Variants in ZBED3 observed in about 807,000 individuals in gnomAD.
ZBED3 encodes the protein zinc finger BED-type containing 3.
For synonymous variants in ZBED3, 175 were observed against 180.0 expected (o/e 0.97, Z 0.22); for missense variants, 388 against 362.9 (o/e 1.07, Z -0.56).
chr5:77,086,755 G>A (rs1298488631), intron 1 of ZBED3: 2 of 152,230 alleles, frequency 1.3e-5, no homozygotes, highest in Non-Finnish European at 1.5e-5. Flanking sequence ...ACCCACTGCA[G>A]GGCGTCCAGT....
At chr5:77,082,674 A>G (rs1743152549) in intron 1 of ZBED3, among the ~76,000 whole-genome samples, 1 of 152,176 alleles carries the variant, frequency 6.6e-6, no homozygotes. Flanking sequence ...AGGAGATACT[A>G]TGGTTGAGGC....
rs1375150345 is a variant in ZBED3 at position 77,072,686 on chromosome 5, A to G, written c.*4488T>C. The G allele has an allele frequency of 6.6e-6, 1 of 152,224 alleles. No homozygotes were observed. Among genetic ancestry groups the G allele is most frequent in the Non-Finnish European group, 1.5e-5 (1 of 68,044 alleles). The allele number at this position is 152,224 out of a possible 1,614,324, so 9.4% of individuals were successfully genotyped here. The stretch of plus-strand genomic sequence containing the variant: ...GCAGGTCATTTGGCAACTATTTGAT[A>G]GAAAAATATTTAATAGTATTTATCA... On this transcript the variant is annotated 3_prime_UTR_variant, in exon 3 of 3. Coordinates refer to ENST00000255198, the MANE Select transcript of ZBED3 (RefSeq NM_032367.4).
rs1423070189 is a variant in ZBED3, at chr5:77,076,054, T to TAA, written c.*1118_*1119dup. 4.5e-5 allele frequency: 6 copies of TAA among 133,340 alleles called. 1 individual carries two copies. 8.3% of individuals were successfully genotyped at this position (133,340 alleles called of 1,614,324 possible). ...ATATGTATATATGTATATATATATA[T>TAA]AATATATACACACATAAAGAAAAAA... On this transcript the variant is annotated 3_prime_UTR_variant, in exon 3 of 3. Coordinates refer to ENST00000255198, the MANE Select transcript of ZBED3 (RefSeq NM_032367.4).
At chr5:77,086,991 G>A (rs1440718981) in intron 1 of ZBED3, 120 bp downstream of exon 1, 7 of 152,230 alleles carry the variant, frequency 4.6e-5, no homozygotes, top group Admixed American at 3.9e-4. Flanking sequence ...GCCCAGCGAA[G>A]GGCACGCCCC....
In ZBED3 at chr5:77,077,766, G is replaced by A. The variant is rs181914313; in HGVS notation, c.113C>T (p.Pro38Leu). The A allele has an allele frequency of 6.3e-4, 828 of 1,316,592 alleles. 1 individual carries two copies. The African/African-American group carries it at 0.011, about 17-fold the overall frequency. The allele number at this position is 1,316,592 out of a possible 1,614,324, so 81.6% of individuals were successfully genotyped here. A position where few individuals can be genotyped will look rare whatever the true frequency, so the allele number is the denominator to read the frequency against. ...GLGPAPTPTPPGRLGAPYSEA... is the reference protein window; with the variant it reads ...GLGPAPTPTPLGRLGAPYSEA... ...GGAGTATGGCGCCCCCAGGCGGCCGGGAGGCGTCGGCGTCGGCGCCGGCCC... is the reference window on the plus strand; with the variant it reads ...GGAGTATGGCGCCCCCAGGCGGCCGAGAGGCGTCGGCGTCGGCGCCGGCCC... The change falls in exon 3 of 3, where the codon CCC becomes CTC. Residue 38 changes from proline (P) to leucine (L), a missense_variant. Pro to Leu is a moderately conservative substitution (Grantham distance 98). Transcript: ENST00000255198.
Position 77,077,341 on chromosome 5 carries a change from G to A in ZBED3, c.538C>T (p.Gln180Ter). 4.0e-6 allele frequency: 5 copies of A among 1,257,308 alleles called. No homozygotes were observed. The highest frequency in any genetic ancestry group is 5.0e-6 in the Non-Finnish European group (5 of 1,006,774). 77.9% of individuals were successfully genotyped at this position (1,257,308 alleles called of 1,614,324 possible). Residue 180 changes from glutamine to a stop codon, truncating the protein, a stop_gained, in exon 3 of 3, where the codon CAG (glutamine) becomes TAG (stop). Coordinates refer to ENST00000255198, the MANE Select transcript of ZBED3 (RefSeq NM_032367.4). LOFTEE classifies it low-confidence loss of function (END_TRUNC). ...ALQEEERAAA[Q>*]ARRELQAERE... ...TCGGCCTGCAGTTCCCGGCGCGCCT[G>A]GGCCGCGGCGCGCTCTTCCTCCTGC...
In ZBED3 at chr5:77,077,519, G is replaced by A. The variant is rs13163338; in HGVS notation, c.360C>T (p.Gly120=). 1 of 1,202,086 alleles carries A rather than the reference G, an allele frequency of 8.3e-7. No homozygotes were observed. The allele number at this position is 1,202,086 out of a possible 1,614,324, so 74.5% of individuals were successfully genotyped here. Residue 120 remains glycine, a synonymous_variant, in exon 3 of 3, where the codon GGC becomes GGT. Transcript: ENST00000255198. ...PPAAPCPPPP[G]PAAAPEGDWA... Reference sequence around the variant, plus strand: ...AGTCGCCCTCGGGGGCCGCAGCGGGGCCGGGCGGCGGCGGGCAGGGCGCGG... The same window carrying A: ...AGTCGCCCTCGGGGGCCGCAGCGGGACCGGGCGGCGGCGGGCAGGGCGCGG...
chr5:77,075,944 C>CATATATATAT lies in ZBED3; in HGVS notation c.*1220_*1229dup, dbSNP rs1159328230. 6.4e-4 allele frequency: 15 copies of CATATATATAT among 23,448 alleles called. 2 individuals carry two copies. Among genetic ancestry groups the CATATATATAT allele is most frequent in the Admixed American group, 2.0e-3 (3 of 1,476 alleles). 1.5% of individuals were successfully genotyped at this position (23,448 alleles called of 1,614,324 possible). ...CCTAGAACTTAAAGTATTATATATACATATATATATATATATATATATGTA... is the reference window on the plus strand; with the variant it reads ...CCTAGAACTTAAAGTATTATATATACATATATATATATATATATATATATATATATATGTA... On this transcript the variant is annotated 3_prime_UTR_variant, in exon 3 of 3. Transcript: ENST00000255198.
Position 77,076,536 on chromosome 5 carries a change from G to A in ZBED3, c.*638C>T, listed in dbSNP as rs1743007019. ...GGGGAGACAGAGTGCACCTGGTATT[G>A]GTTGAATAATATGGGCAGTAAAAAA... On this transcript the variant is annotated 3_prime_UTR_variant, in exon 3 of 3. Coordinates refer to ENST00000255198, the MANE Select transcript of ZBED3 (RefSeq NM_032367.4). 1 of 152,208 alleles carries A rather than the reference G, an allele frequency of 6.6e-6. No individual in the cohort carries two copies. Among genetic ancestry groups the A allele is most frequent in the South Asian group, 2.1e-4 (1 of 4,826 alleles). The allele number at this position is 152,208 out of a possible 1,614,324, so 9.4% of individuals were successfully genotyped here. A position where few individuals can be genotyped will look rare whatever the true frequency, so the allele number is the denominator to read the frequency against.
chr5:77,077,666 C>T lies in ZBED3; in HGVS notation c.213G>A (p.Leu71=). ...HPSGHWATCR[L]CGEQVGRGPG... ...GGCCGCGGCCCACCTGCTCCCCGCA[C>T]AGACGGCAGGTGGCCCAGTGGCCCG... The change falls in exon 3 of 3, where the codon CTG becomes CTA. Residue 71 remains leucine, a synonymous_variant. Coordinates refer to ENST00000255198, the MANE Select transcript of ZBED3 (RefSeq NM_032367.4). 7.1e-7 allele frequency: 1 copy of T among 1,399,120 alleles called. No individual in the cohort carries two copies. Among genetic ancestry groups the T allele is most frequent in the Non-Finnish European group, 9.3e-7 (1 of 1,079,170 alleles). 86.7% of individuals were successfully genotyped at this position (1,399,120 alleles called of 1,614,324 possible).
In ZBED3 at chr5:77,073,338, T is replaced by C. The variant is rs1383420696; in HGVS notation, c.*3836A>G. The C allele has an allele frequency of 6.6e-6, 1 of 152,172 alleles. No homozygotes were observed. Among genetic ancestry groups the C allele is most frequent in the Non-Finnish European group, 1.5e-5 (1 of 68,028 alleles). 9.4% of individuals were successfully genotyped at this position (152,172 alleles called of 1,614,324 possible). On this transcript the variant is annotated 3_prime_UTR_variant, in exon 3 of 3. Coordinates refer to ENST00000255198, the MANE Select transcript of ZBED3 (RefSeq NM_032367.4). ...GAAGAGTAACATTTGTGGAAGTCTT[T>C]TTTTTTCCTTCTAAAAAGGAAATTC...
chr5:77,077,465 C>A lies in ZBED3; in HGVS notation c.414G>T (p.Ala138=). 8.3e-7 allele frequency: 1 copy of A among 1,205,966 alleles called. No homozygotes were observed. Among genetic ancestry groups the A allele is most frequent in the Admixed American group, 4.2e-5 (1 of 23,746 alleles). The allele number at this position is 1,205,966 out of a possible 1,614,324, so 74.7% of individuals were successfully genotyped here. The change falls in exon 3 of 3, where the codon GCG becomes GCT. Residue 138 remains alanine (A), a synonymous_variant. Transcript: ENST00000255198. ...DWARLLEQMG[A]LAVRGSRRER... ...CCCGCCGGCTGCCGCGCACGGCCAG[C>A]GCGCCCATCTGTTCCAGCAGGCGCG...
rs1743049204 is a variant in ZBED3, at chr5:77,077,656, G to C, written c.223C>G (p.Gln75Glu). The C allele has an allele frequency of 1.3e-5, 18 of 1,412,346 alleles. No homozygotes were observed. The highest frequency in any genetic ancestry group is 1.4e-5 in the Non-Finnish European group (15 of 1,084,286). The allele number at this position is 1,412,346 out of a possible 1,614,324, so 87.5% of individuals were successfully genotyped here. A position where few individuals can be genotyped will look rare whatever the true frequency, so the allele number is the denominator to read the frequency against. ...HWATCRLCGE[Q>E]VGRGPGFHAG... ...TGGAAGCCCGGGCCGCGGCCCACCT[G>C]CTCCCCGCACAGACGGCAGGTGGCC... The change falls in exon 3 of 3, where the codon CAG (glutamine) becomes GAG (glutamate). Residue 75 changes from glutamine to glutamate, a missense_variant. Coordinates refer to ENST00000255198, the MANE Select transcript of ZBED3 (RefSeq NM_032367.4).
Position 77,076,020 on chromosome 5 carries a change from T to C in ZBED3, c.*1154A>G, listed in dbSNP as rs1274072493. On this transcript the variant is annotated 3_prime_UTR_variant, in exon 3 of 3. Transcript: ENST00000255198. Reference sequence around the variant, plus strand: ...ATATATGTATATATATATGTATATATGTATATATATATGTATATATGTATA... The same window carrying C: ...ATATATGTATATATATATGTATATACGTATATATATATGTATATATGTATA... 2 of 58,234 alleles carry C rather than the reference T, an allele frequency of 3.4e-5. No individual in the cohort carries two copies. Among genetic ancestry groups the C allele is most frequent in the African/African-American group, 1.2e-4 (2 of 16,296 alleles). 3.6% of individuals were successfully genotyped at this position (58,234 alleles called of 1,614,324 possible).
intron 1 of ZBED3, chr5:77,079,264 G>A (rs944709536): frequency 5.9e-5 from 9 of 152,186 alleles, no homozygotes; most frequent in Non-Finnish European, 1.3e-4. Flanking sequence ...GAAAATCAAG[G>A]GCAAGGTGAG....
chr5:77,085,539 T>C (rs1035092629), intron 1 of ZBED3, among the ~76,000 whole-genome samples: 7 of 152,214 alleles, frequency 4.6e-5, no homozygotes. Context: ...GCCTGGATCT[T>C]AGATGAGAAA....
At chr5:77,080,472 G>T in intron 1 of ZBED3, 1 of 513,874 alleles carries the variant, frequency 1.9e-6, no homozygotes, top group Non-Finnish European at 3.9e-6. Flanking sequence ...TCCAAGGGTG[G>T]CAAGGGGACA....
rs1229557200 is a variant in ZBED3, at chr5:77,077,866, C to T, written c.13G>A (p.Glu5Lys). Residue 5 changes from glutamate to lysine, a missense_variant, in exon 3 of 3, where the codon GAG (glutamate) becomes AAG (lysine). By Grantham distance (56) the Glu-to-Lys change is moderately conservative. Transcript: ENST00000255198. Reference sequence around the variant, plus strand: ...GCCTGGTCCATGGTGCAGGCCGGCTCGCCACTCCTCATTCTGCGGCGCCCG... The same window carrying T: ...GCCTGGTCCATGGTGCAGGCCGGCTTGCCACTCCTCATTCTGCGGCGCCCG... The part of the protein sequence containing the change: MRSG[E>K]PACTMDQARG... 1 of 1,258,914 alleles carries T rather than the reference C, an allele frequency of 7.9e-7. No homozygotes were observed. The highest frequency in any genetic ancestry group is 1.5e-5 in the African/African-American group (1 of 64,548). The allele number at this position is 1,258,914 out of a possible 1,614,324, so 78.0% of individuals were successfully genotyped here.
At chr5:77,085,106 A>T (rs918540491) in intron 1 of ZBED3, among the ~76,000 whole-genome samples, 3 of 152,248 alleles carry the variant, frequency 2.0e-5, no homozygotes, top group African/African-American at 4.8e-5. Flanking sequence ...CCTGTGGAAG[A>T]CAATAAATTC....
Sources: allele counts gnomAD v4.1 joint callset (sites outside exome capture counted in the v4.1 genomes callset), GRCh38; gene constraint gnomAD v4.1.1; transcripts MANE v1.5; gene names NCBI Gene and HGNC (gene_info 2026-07-23, HGNC 2026-07-21).